The following ZC4H2 variants were observed in gnomAD, a reference collection of about 807,000 sequenced individuals.
ZC4H2 encodes zinc finger C4H2 domain-containing protein.
For missense variants in ZC4H2, 137 were observed against 173.9 expected (o/e 0.79, Z 1.19); for synonymous variants, 84 against 66.3 (o/e 1.27, Z -1.30).
intron 1 of ZC4H2, among the ~76,000 whole-genome samples, chrX:65,030,427 T>C (rs1932923023): frequency 8.9e-6 from 1 of 112,133 alleles, no homozygotes; most frequent in African/African-American, 3.2e-5. Context: ...CTTTATATTA[T>C]ATGTCAAGAC....
At chrX:64,966,716 A>G (rs1242230903) in intron 1 of ZC4H2, among the ~76,000 whole-genome samples, 1 of 112,229 alleles carries the variant, frequency 8.9e-6, no homozygotes, top group Non-Finnish European at 1.9e-5. Flanking sequence ...CCACATTTGT[A>G]TAACTATTTA....
chrX:65,010,866 G>T (rs767506461), intron 1 of ZC4H2, among the ~76,000 whole-genome samples: 3 of 111,783 alleles, frequency 2.7e-5, no homozygotes, highest in African/African-American at 6.5e-5. Context: ...TATAAATACA[G>T]AATTTATTTT....
chrX:64,972,055 T>C (rs975547762), intron 1 of ZC4H2, among the ~76,000 whole-genome samples: 2 of 111,725 alleles, frequency 1.8e-5, no homozygotes, highest in African/African-American at 6.5e-5. Context: ...CCTTTCCCTC[T>C]TTTCTATCTC....
At chrX:64,921,529 G>T (rs1054850213) in intron 2 of ZC4H2, among the ~76,000 whole-genome samples, 1 of 111,929 alleles carries the variant, frequency 8.9e-6, no homozygotes, top group African/African-American at 3.3e-5. Flanking sequence ...CAGAATCCCA[G>T]AATGAGAGCA....
At chrX:64,956,242 A>T (rs1326945777) in intron 1 of ZC4H2, among the ~76,000 whole-genome samples, 1 of 111,579 alleles carries the variant, frequency 9.0e-6, no homozygotes, top group East Asian at 2.8e-4. Flanking sequence ...TAATGGAAAG[A>T]CTGCTTAGTT....
chrX:64,940,175 C>G (rs754833178), intron 1 of ZC4H2, among the ~76,000 whole-genome samples: 2 of 111,956 alleles, frequency 1.8e-5, no homozygotes, highest in Admixed American at 1.9e-4. Flanking sequence ...ACGAGCTTTT[C>G]TTCATATGTT....
chrX:65,019,210 G>GGGTCC (rs1023294929), intron 1 of ZC4H2, among the ~76,000 whole-genome samples: 1 of 111,773 alleles, frequency 8.9e-6, no homozygotes, highest in African/African-American at 3.3e-5. Context: ...CTCCTCAAGT[G>GGGTCC]GGTCCCTGAC....
chrX:64,930,126 C>A (rs182646215), intron 1 of ZC4H2, among the ~76,000 whole-genome samples: 1 of 110,944 alleles, frequency 9.0e-6, no homozygotes, highest in East Asian at 2.8e-4. Context: ...ATTATTTTTG[C>A]GGCTGTTGTA....
chrX:64,999,017 A>C (rs1160401357), intron 1 of ZC4H2, among the ~76,000 whole-genome samples: 1 of 91,471 alleles, frequency 1.1e-5, no homozygotes, highest in African/African-American at 4.2e-5. Flanking sequence ...TCTCTTGTAG[A>C]CAGCATACAG....
chrX:64,947,109 G>T (rs1930571376), intron 1 of ZC4H2, among the ~76,000 whole-genome samples: 1 of 111,853 alleles, frequency 8.9e-6, no homozygotes, highest in East Asian at 2.8e-4. Flanking sequence ...TCAGATATAT[G>T]TTGTTTAGTG....
At chrX:64,919,020 A>G in intron 4 of ZC4H2, 22 bp downstream of exon 4, 2 of 1,138,269 alleles carry the variant, frequency 1.8e-6, no homozygotes, top group South Asian at 2.2e-5. Flanking sequence ...CTTCCTCCAC[A>G]ACCATTACCC....
chrX:64,980,498 G>A (rs975009095), upstream of ZC4H2, among the ~76,000 whole-genome samples: 1 of 111,764 alleles, frequency 8.9e-6, no homozygotes, highest in African/African-American at 3.3e-5. Flanking sequence ...AGGAGGTATC[G>A]AGGATTAATT....
intron 1 of ZC4H2, among the ~76,000 whole-genome samples, chrX:64,929,375 G>T (rs1291676377): frequency 1.8e-5 from 2 of 111,486 alleles, no homozygotes; most frequent in East Asian, 2.8e-4. Context: ...GTTTAATTAG[G>T]TCCCATTTAT....
chrX:64,959,718 A>G (rs1445540265), intron 1 of ZC4H2, among the ~76,000 whole-genome samples: 1 of 109,911 alleles, frequency 9.1e-6, no homozygotes, highest in East Asian at 2.9e-4. Flanking sequence ...ATTCAGTTTA[A>G]GAGAAGACAA....
chrX:65,003,054 TAA>T (rs745876339), intron 1 of ZC4H2, among the ~76,000 whole-genome samples: 4 of 56,939 alleles, frequency 7.0e-5, no homozygotes, highest in African/African-American at 7.2e-5. Flanking sequence ...GAATGATCAA[TAA>T]AAAAAAAAAA....
At chrX:65,019,484 G>A (rs1223661796) in intron 1 of ZC4H2, among the ~76,000 whole-genome samples, 1 of 112,153 alleles carries the variant, frequency 8.9e-6, no homozygotes, top group Non-Finnish European at 1.9e-5. Flanking sequence ...AAAAGGAATA[G>A]CATCAACATC....
intron 1 of ZC4H2, among the ~76,000 whole-genome samples, chrX:64,922,440 G>T (rs754840602): frequency 9.0e-6 from 1 of 111,723 alleles, no homozygotes; most frequent in South Asian, 3.8e-4. Flanking sequence ...GCAAGACCTT[G>T]TCTCAAGAAA....
intron 1 of ZC4H2, among the ~76,000 whole-genome samples, chrX:64,986,715 G>C (rs1223221057): frequency 9.0e-6 from 1 of 110,718 alleles, no homozygotes; most frequent in Non-Finnish European, 1.9e-5. Flanking sequence ...GAGGAAGGTA[G>C]ACAGATTGTC....
chrX:64,961,705 A>T (rs1255503720), intron 1 of ZC4H2, among the ~76,000 whole-genome samples: 1 of 111,461 alleles, frequency 9.0e-6, no homozygotes, highest in East Asian at 2.8e-4. Context: ...GAAAAGAATC[A>T]ACTAATTGAA....
Sources: allele counts gnomAD v4.1 joint callset (sites outside exome capture counted in the v4.1 genomes callset), GRCh38; gene constraint gnomAD v4.1.1; transcripts MANE v1.5; gene names NCBI Gene and HGNC (gene_info 2026-07-23, HGNC 2026-07-21).